IDE: variants seen among roughly 807,000 people sequenced by gnomAD.
The protein encoded by IDE is insulin-degrading enzyme.
A neutral mutation model predicts 133.2 loss-of-function variants in IDE; 58 were observed. The ratio of observed to expected loss-of-function variants is 0.44; its 90% CI spans 0.35 to 0.54. IDE has a LOEUF of 0.54. Ranked by LOEUF, IDE falls within the 20% of genes least tolerant of loss-of-function variation. IDE has a pLI of 0.00. For missense variants in IDE, 981 were observed against 1,234.0 expected (o/e 0.79, Z 3.07); for synonymous variants, 396 against 421.3 (o/e 0.94, Z 0.73).
chr10:92,495,979 A>AT (rs1847679828), intron 11 of IDE, among the ~76,000 whole-genome samples: 1 of 151,568 alleles, frequency 6.6e-6, no homozygotes, highest in South Asian at 2.1e-4. Flanking sequence ...GGTTCAAGCG[A>AT]TTTCCATGCC....
intron 18 of IDE, among the ~76,000 whole-genome samples, chr10:92,469,235 T>G (rs1334449028): frequency 6.6e-6 from 1 of 152,154 alleles, no homozygotes; most frequent in Non-Finnish European, 1.5e-5. Context: ...AAAAAGGCAC[T>G]GCCAAAGATG....
chr10:92,483,066 C>A (rs1846715537), intron 14 of IDE, among the ~76,000 whole-genome samples, 189 bp downstream of exon 14: 1 of 152,202 alleles, frequency 6.6e-6, no homozygotes. Context: ...AGGCGTGAGC[C>A]ACCGTGCCCG....
intron 13 of IDE, among the ~76,000 whole-genome samples, chr10:92,486,219 G>A (rs987328053): frequency 1.3e-5 from 2 of 151,782 alleles, no homozygotes; most frequent in South Asian, 2.1e-4. Context: ...ATGTGGTGGC[G>A]GGTGCCTGTA....
intron 1 of IDE, among the ~76,000 whole-genome samples, chr10:92,566,411 T>TCACACACACA (rs531974780): frequency 3.5e-5 from 5 of 142,952 alleles, no homozygotes; most frequent in African/African-American, 5.4e-5. Context: ...TCTCTCTCTC[T>TCACACACACA]CTCACACACA....
intron 1 of IDE, among the ~76,000 whole-genome samples, chr10:92,562,916 G>C (rs2135815120): frequency 6.6e-6 from 1 of 152,264 alleles, no homozygotes; most frequent in African/African-American, 2.4e-5. Context: ...AAGGCGGGTG[G>C]ATCATCTGAA....
At chr10:92,461,316 C>A in intron 21 of IDE, 64 bp from the exon 22 acceptor site, 1 of 786,432 alleles carries the variant, frequency 1.3e-6, no homozygotes, top group South Asian at 1.4e-5. Context: ...GAACAGTACA[C>A]TAAATGACAA....
In IDE at chr10:92,552,272, G is replaced by A. The variant is rs144975028; in HGVS notation, c.99-14722C>T. Among the ~76,000 whole-genome samples, 44 of 152,214 alleles carry A rather than the reference G, an allele frequency of 2.9e-4. 2 individuals are homozygous for A. In the East Asian group the frequency reaches 8.5e-3, roughly 29 times the overall value. ...TGAGCTAGCAATTATGAAACTATGTGTACACTAGAATTGAGGAAATAAGAA... is the reference window on the plus strand; with the variant it reads ...TGAGCTAGCAATTATGAAACTATGTATACACTAGAATTGAGGAAATAAGAA... On this transcript the variant is annotated intron_variant, in intron 1 of 24. Coordinates refer to ENST00000265986, the MANE Select transcript of IDE (RefSeq NM_004969.4).
chr10:92,521,171 T>C (rs1391641709), intron 4 of IDE, among the ~76,000 whole-genome samples: 1 of 152,096 alleles, frequency 6.6e-6, no homozygotes, highest in African/African-American at 2.4e-5. Context: ...ATAATAGAAT[T>C]AGCATTAGAA....
At chr10:92,488,848 T>G (rs759838994) in intron 12 of IDE, among the ~76,000 whole-genome samples, 13 of 151,300 alleles carry the variant, frequency 8.6e-5, no homozygotes, top group Admixed American at 5.3e-4. Context: ...ACTGGATCTG[T>G]TTCCTGTTCT....
At chr10:92,492,408 T>C (rs1018248209) in intron 11 of IDE, among the ~76,000 whole-genome samples, 4 of 152,308 alleles carry the variant, frequency 2.6e-5, no homozygotes, top group South Asian at 2.1e-4. Context: ...TGTAGCACTA[T>C]CAGGGACACT....
chr10:92,474,979 C>T lies in IDE; in HGVS notation c.1996-18G>A, dbSNP rs369929162. 116 of 1,576,604 alleles carry T rather than the reference C, an allele frequency of 7.4e-5. No individual in the cohort carries two copies. The highest frequency in any genetic ancestry group is 8.6e-5 in the Non-Finnish European group (100 of 1,163,786). On this transcript the variant is annotated intron_variant, in intron 16 of 24. Transcript: ENST00000265986. ...CGCATATACTAGTGAAAGAGACATG[C>T]GTTCATTAATTTTATAAATCTTTTA...
chr10:92,474,295 T>A (rs1447912887), intron 17 of IDE, among the ~76,000 whole-genome samples: 1 of 152,148 alleles, frequency 6.6e-6, no homozygotes, highest in African/African-American at 2.4e-5. Context: ...CTCAAACTCC[T>A]GGGATCAAGC....
chr10:92,504,173 G>A (rs1238955254), intron 11 of IDE, among the ~76,000 whole-genome samples: 1 of 152,088 alleles, frequency 6.6e-6, no homozygotes, highest in Non-Finnish European at 1.5e-5. Flanking sequence ...TGTAAAACAT[G>A]TCATTCAATT....
chr10:92,573,757 C>A (rs936874135), intron 1 of IDE, among the ~76,000 whole-genome samples, 165 bp downstream of exon 1: 1 of 152,260 alleles, frequency 6.6e-6, no homozygotes, highest in East Asian at 1.9e-4. Flanking sequence ...CTCTTCCGGG[C>A]CCTGGGGCGG....
chr10:92,471,087 TTTTC>T (rs1199885207), intron 17 of IDE, among the ~76,000 whole-genome samples: 1 of 152,246 alleles, frequency 6.6e-6, no homozygotes, highest in African/African-American at 2.4e-5. Context: ...AATATTTTCT[TTTTC>T]TTTAAATTTG....
Position 92,556,619 on chromosome 10 carries a change from G to A in IDE, c.98+17303C>T, listed in dbSNP as rs185926877. Reference sequence around the variant, plus strand: ...CTAAAACTACAAAAATTAGCCGGGCGTGGTGGTGGGTACCTGTAATCCCAG... The same window carrying A: ...CTAAAACTACAAAAATTAGCCGGGCATGGTGGTGGGTACCTGTAATCCCAG... On this transcript the variant is annotated intron_variant, in intron 1 of 24. Coordinates refer to ENST00000265986, the MANE Select transcript of IDE (RefSeq NM_004969.4). Among the ~76,000 whole-genome samples, 485 of 152,174 alleles carry A rather than the reference G, an allele frequency of 3.2e-3. 1 individual carries two copies. The highest frequency in any genetic ancestry group is 5.0e-3 in the Non-Finnish European group (342 of 67,998).
At position 92,470,451 on chromosome 10, in the gene IDE, T is replaced by C. The variant is rs887451732; in HGVS notation, c.2117-106A>G. 176 of 546,188 alleles carry C rather than the reference T, an allele frequency of 3.2e-4. No homozygotes were observed. In the Middle Eastern group the frequency reaches 6.0e-3, roughly 19 times the overall value. The allele number at this position is 546,188 out of a possible 1,614,324, so 33.8% of individuals were successfully genotyped here. On this transcript the variant is annotated intron_variant, in intron 17 of 24. Transcript: ENST00000265986. ...TTGCAAAAATAGTACACAGAGCTCC[T>C]GTAAACACTTCACCTAGTTTTCCCT...
intron 22 of IDE, 53 bp downstream of exon 22, chr10:92,461,138 G>T: frequency 1.1e-6 from 1 of 881,202 alleles, no homozygotes; most frequent in South Asian, 1.4e-5. Context: ...GCCATACCCA[G>T]CCCTATAATA....
At chr10:92,511,102 CT>C (rs749758838) in intron 5 of IDE, among the ~76,000 whole-genome samples, 335 of 105,384 alleles carry the variant, frequency 3.2e-3, no homozygotes, top group South Asian at 0.01. Context: ...AAAAAAAAAA[CT>C]TTTTTTTTTT....
Sources: allele counts gnomAD v4.1 joint callset (sites outside exome capture counted in the v4.1 genomes callset), GRCh38; gene constraint gnomAD v4.1.1; transcripts MANE v1.5; gene names NCBI Gene and HGNC (gene_info 2026-07-23, HGNC 2026-07-21).